TCF12: variants seen among roughly 807,000 people sequenced by gnomAD.
TCF12 encodes transcription factor 12.
Under a neutral mutation model 86.0 loss-of-function variants are expected in TCF12, and 45 were observed. The ratio of observed to expected loss-of-function variants is 0.52; its 90% confidence interval spans 0.41 to 0.67. TCF12 has a LOEUF of 0.67. Ranked by LOEUF, TCF12 falls within the 30% of genes least tolerant of loss-of-function variation. The probability of loss-of-function intolerance (pLI) is 0.00; values close to 1 mark genes in which losing one functional copy is unlikely to be tolerated. For missense variants in TCF12, 881 were observed against 859.9 expected (o/e 1.02, Z -0.31); for synonymous variants, 330 against 299.6 (o/e 1.10, Z -1.05).
At chr15:57,019,318 C>G (rs889063860) in intron 3 of TCF12, among the ~76,000 whole-genome samples, 5 of 152,246 alleles carry the variant, frequency 3.3e-5, no homozygotes, top group South Asian at 4.1e-4. Flanking sequence ...TTCTCAAAGT[C>G]TCACATACTT....
intron 5 of TCF12, among the ~76,000 whole-genome samples, chr15:57,155,246 A>G (rs952914482): frequency 1.3e-5 from 2 of 152,094 alleles, no homozygotes; most frequent in Non-Finnish European, 2.9e-5. Context: ...TCCATTCAGC[A>G]AATATTCTAT....
chr15:57,187,915 A>G (rs558121993), intron 6 of TCF12, among the ~76,000 whole-genome samples: 215 of 152,196 alleles, frequency 1.4e-3, no homozygotes, highest in Middle Eastern at 6.8e-3. Context: ...GGGAGCCTGG[A>G]TGATAGAGTG....
At chr15:57,152,043 C>T (rs1020245971) in intron 5 of TCF12, among the ~76,000 whole-genome samples, 32 of 152,130 alleles carry the variant, frequency 2.1e-4, no homozygotes, top group African/African-American at 4.8e-4. Flanking sequence ...ACCCCAGCCA[C>T]GTGCTAAACA....
intron 3 of TCF12, among the ~76,000 whole-genome samples, chr15:57,033,085 A>G (rs1260443755): frequency 6.6e-6 from 1 of 152,192 alleles, no homozygotes; most frequent in East Asian, 1.9e-4. Flanking sequence ...TGAAAGAGGA[A>G]AGAGTGAATA....
At chr15:57,076,712 G>A (rs1198194159) in intron 4 of TCF12, among the ~76,000 whole-genome samples, 1 of 151,572 alleles carries the variant, frequency 6.6e-6, no homozygotes, top group African/African-American at 2.4e-5. Context: ...GAATTCCCTC[G>A]ATATTACTTA....
chr15:57,157,237 T>C (rs1367251930), intron 5 of TCF12, among the ~76,000 whole-genome samples: 2 of 152,058 alleles, frequency 1.3e-5, no homozygotes, highest in Non-Finnish European at 2.9e-5. Context: ...GACACCAAGG[T>C]GACTTGATTA....
chr15:57,093,243 A>T (rs534320893), intron 5 of TCF12, among the ~76,000 whole-genome samples: 79 of 152,348 alleles, frequency 5.2e-4, no homozygotes, highest in South Asian at 2.1e-3. Flanking sequence ...TTTATTTTTT[A>T]AATTTTCAAT....
chr15:57,012,698 G>A (rs1240922488), intron 3 of TCF12, among the ~76,000 whole-genome samples: 1 of 152,106 alleles, frequency 6.6e-6, no homozygotes, highest in Non-Finnish European at 1.5e-5. Context: ...CAATTTCTAG[G>A]CCCTTATATA....
At chr15:56,963,199 TAA>T (rs1219223293) in intron 3 of TCF12, among the ~76,000 whole-genome samples, 3 of 152,146 alleles carry the variant, frequency 2.0e-5, no homozygotes, top group African/African-American at 7.2e-5. Flanking sequence ...ACTTGAAGAC[TAA>T]TTGAGCATAC....
At chr15:56,997,174 G>T (rs377579404) in intron 3 of TCF12, among the ~76,000 whole-genome samples, 1 of 152,162 alleles carries the variant, frequency 6.6e-6, no homozygotes, top group African/African-American at 2.4e-5. Context: ...ACATATACCC[G>T]TATGTCCATT....
chr15:56,970,556 G>A (rs1450451466), intron 3 of TCF12, among the ~76,000 whole-genome samples: 1 of 150,376 alleles, frequency 6.6e-6, no homozygotes, highest in Non-Finnish European at 1.5e-5. Flanking sequence ...AGATCCCAAT[G>A]TAAAAGAATG....
intron 3 of TCF12, among the ~76,000 whole-genome samples, chr15:56,970,494 A>C (rs1296784808): frequency 2.0e-5 from 3 of 151,270 alleles, no homozygotes; most frequent in South Asian, 2.1e-4. Flanking sequence ...AAAAAAAAAA[A>C]AAAAAAAACA....
intron 5 of TCF12, among the ~76,000 whole-genome samples, chr15:57,108,840 A>G (rs2050305262): frequency 6.6e-6 from 1 of 152,248 alleles, no homozygotes; most frequent in Non-Finnish European, 1.5e-5. Context: ...AGAGCCAATA[A>G]CAAATGAAAA....
chr15:57,197,413 T>C (rs1258830618), intron 7 of TCF12, among the ~76,000 whole-genome samples: 1 of 151,912 alleles, frequency 6.6e-6, no homozygotes, highest in Non-Finnish European at 1.5e-5. Context: ...CCACCTTGGC[T>C]TCCCAAAGTG....
At chr15:56,965,242 AT>A (rs1185184520) in intron 3 of TCF12, among the ~76,000 whole-genome samples, 1 of 151,222 alleles carries the variant, frequency 6.6e-6, no homozygotes. Context: ...ATGCTCTTCT[AT>A]TTTTTTTTCC....
chr15:57,129,394 C>G (rs1300785738), intron 5 of TCF12, among the ~76,000 whole-genome samples: 1 of 152,160 alleles, frequency 6.6e-6, no homozygotes, highest in Admixed American at 6.5e-5. Context: ...AACCCCATCT[C>G]TAGAAAAATT....
At chr15:56,938,151 TTTTG>T (rs1275520772) in intron 3 of TCF12, among the ~76,000 whole-genome samples, 1 of 151,512 alleles carries the variant, frequency 6.6e-6, no homozygotes, top group East Asian at 1.9e-4. Flanking sequence ...TCTTCTTTTT[TTTTG>T]TTTCTTTTCT....
rs181060347 is a variant in TCF12, at chr15:57,289,422, C to G, written c.*3277C>G. ...TAAGAACACATAATTAGTAACAGAT[C>G]AAGACACTTAAAACTTTCCCTACAA... On this transcript the variant is annotated 3_prime_UTR_variant, in exon 21 of 21. Coordinates refer to ENST00000333725, the MANE Select transcript of TCF12 (RefSeq NM_207037.2). The G allele has an allele frequency of 2.0e-5, 3 of 152,272 alleles. No homozygotes were observed. In the East Asian group the frequency reaches 5.8e-4, roughly 29 times the overall value. 9.4% of individuals were successfully genotyped at this position (152,272 alleles called of 1,614,324 possible). A position where few individuals can be genotyped will look rare whatever the true frequency, so the allele number is the denominator to read the frequency against.
chr15:56,988,702 C>A (rs2063309688), intron 3 of TCF12, among the ~76,000 whole-genome samples: 1 of 152,160 alleles, frequency 6.6e-6, no homozygotes, highest in South Asian at 2.1e-4. Context: ...TTGAATTGAA[C>A]TTTAAAGTGT....
Sources: allele counts gnomAD v4.1 joint callset (sites outside exome capture counted in the v4.1 genomes callset), GRCh38; gene constraint gnomAD v4.1.1; transcripts MANE v1.5; gene names NCBI Gene and HGNC (gene_info 2026-07-23, HGNC 2026-07-21).